The following FCRL1 variants were observed in gnomAD, a reference collection of about 807,000 sequenced individuals.
FCRL1 encodes the protein Fc receptor-like protein 1.
In FCRL1, 34 loss-of-function variants were observed where a neutral mutation model predicts 49.2. The ratio of observed to expected loss-of-function variants is 0.69; its 90% confidence interval spans 0.53 to 0.92. The LOEUF (loss-of-function observed/expected upper bound fraction) is 0.92. Ranked by LOEUF, FCRL1 falls within the 40% of genes least tolerant of loss-of-function variation. The pLI is 0.00. For synonymous variants in FCRL1, 218 were observed against 201.6 expected (o/e 1.08, Z -0.69); for missense variants, 524 against 524.1 (o/e 1.00, Z 0.00).
chr1:157,818,668 A>C (rs1655382478), intron 1 of FCRL1, among the ~76,000 whole-genome samples: 2 of 152,082 alleles, frequency 1.3e-5, no homozygotes, highest in African/African-American at 4.8e-5. Context: ...GTTGGAAAAA[A>C]AATTGGGGAT....
At position 157,798,295 on chromosome 1, in the gene FCRL1, G is replaced by C. The variant is rs777950829; in HGVS notation, c.1032-52C>G. 6.3e-6 allele frequency: 9 copies of C among 1,431,908 alleles called. No homozygotes were observed. The South Asian group carries it at 1.1e-4, about 18-fold the overall frequency. 88.7% of individuals were successfully genotyped at this position (1,431,908 alleles called of 1,614,324 possible). ...TATCTGAAATTGCATCCCAGATCAT[G>C]CAGATATCACACTGAAGGAGAGAAG... is the stretch of plus-strand genomic sequence containing the variant. On this transcript the variant is annotated intron_variant, in intron 7 of 10. Transcript: ENST00000368176.
chr1:157,801,889 A>G (rs2101836650), intron 5 of FCRL1, 26 bp downstream of exon 5: 1 of 1,598,038 alleles, frequency 6.3e-7, no homozygotes, highest in South Asian at 1.1e-5. Context: ...ACATTGACCA[A>G]GACAGTTCCA....
intron 1 of FCRL1, among the ~76,000 whole-genome samples, chr1:157,811,730 T>C (rs1485144010): frequency 1.3e-5 from 2 of 152,138 alleles, no homozygotes; most frequent in Non-Finnish European, 2.9e-5. Context: ...CATCTTTTCA[T>C]CCTTGAGGCT....
chr1:157,803,399 T>C (rs74121540), intron 3 of FCRL1, among the ~76,000 whole-genome samples: 2,366 of 152,290 alleles, frequency 0.016, 50 homozygotes, highest in African/African-American at 0.053. Flanking sequence ...CAACTGCCCT[T>C]CCATAAGCCC....
At chr1:157,801,794 C>T in intron 5 of FCRL1, 121 bp downstream of exon 5, 2 of 1,213,670 alleles carry the variant, frequency 1.6e-6, no homozygotes, top group Non-Finnish European at 2.3e-6. Flanking sequence ...CATGACAGCA[C>T]CTCACACAGA....
chr1:157,796,093 A>G lies in FCRL1; in HGVS notation c.*6T>C. The G allele has an allele frequency of 1.2e-6, 2 of 1,613,150 alleles. No individual in the cohort carries two copies. Among genetic ancestry groups the G allele is most frequent in the Non-Finnish European group, 8.5e-7 (1 of 1,179,104 alleles). On this transcript the variant is annotated 3_prime_UTR_variant, in exon 11 of 11. Transcript: ENST00000368176. ...TGGTTTTCAAAGAGCAGAATCTTCC[A>G]TAACCTTACATAGCATCTTCATAGT...
chr1:157,802,659 G>A lies in FCRL1; in HGVS notation c.325C>T (p.Pro109Ser). ...RRSQINVHRV[P>S]VADVSLETQP... is the part of the protein sequence containing the mutation. ...GTCTCCAAGCTCACATCAGCGACAG[G>A]GACCCCTGTGTGGACACAAGATGAC... The change falls in exon 4 of 11, where the codon CCT (proline) becomes TCT (serine). Residue 109 changes from proline to serine, a missense_variant. By Grantham distance (74) the Pro-to-Ser change is moderately conservative (BLOSUM62 -1). Coordinates refer to ENST00000368176, the MANE Select transcript of FCRL1 (RefSeq NM_052938.5). The A allele has an allele frequency of 6.2e-7, 1 of 1,612,470 alleles. No individual in the cohort carries two copies. The highest frequency in any genetic ancestry group is 1.1e-5 in the South Asian group (1 of 90,820).
chr1:157,799,149 C>A (rs1008402265), intron 7 of FCRL1, among the ~76,000 whole-genome samples: 3 of 152,064 alleles, frequency 2.0e-5, no homozygotes, highest in African/African-American at 7.2e-5. Flanking sequence ...TACAGGCGTG[C>A]ATCACCACGT....
Position 157,798,192 on chromosome 1 carries a change from G to C in FCRL1, c.1083C>G (p.Thr361=). The change falls in exon 8 of 11, where the codon ACC becomes ACG. Residue 361 remains threonine (T), a synonymous_variant. Transcript: ENST00000368176. ...PQEFTYLNSP[T]PGQLQPIYEN... is the part of the protein sequence containing the mutation. ...CATATATAGGCTGTAGCTGCCCTGG[G>C]GTAGGTGAGTTGAGGTAGGTGAACT... 2 of 1,613,336 alleles carry C rather than the reference G, an allele frequency of 1.2e-6. No homozygotes were observed. The highest frequency in any genetic ancestry group is 1.7e-6 in the Non-Finnish European group (2 of 1,179,602).
At chr1:157,806,857 T>C in intron 2 of FCRL1, 1 of 414,542 alleles carries the variant, frequency 2.4e-6, no homozygotes, top group South Asian at 6.1e-5. Flanking sequence ...ACTGTGTTCT[T>C]GAGAAGGTCA....
At chr1:157,804,605 C>A (rs545119391) in intron 2 of FCRL1, among the ~76,000 whole-genome samples, 9 of 152,216 alleles carry the variant, frequency 5.9e-5, no homozygotes, top group Non-Finnish European at 1.2e-4. Context: ...GAATATGGGA[C>A]CTGCAGGGTC....
intron 3 of FCRL1, 68 bp from the exon 4 acceptor site, chr1:157,802,732 T>C: frequency 6.8e-7 from 1 of 1,481,046 alleles, no homozygotes. Flanking sequence ...TAAGTAGATA[T>C]GACGGTCCTG....
chr1:157,797,220 C>T (rs1244817368), intron 9 of FCRL1, 88 bp from the exon 10 acceptor site: 34 of 1,184,400 alleles, frequency 2.9e-5, no homozygotes, highest in Non-Finnish European at 4.2e-5. Flanking sequence ...CTTCCTCTCC[C>T]ATCTATTTCC....
At chr1:157,808,553 G>A (rs1030514259) in intron 1 of FCRL1, among the ~76,000 whole-genome samples, 1 of 152,196 alleles carries the variant, frequency 6.6e-6, no homozygotes, top group Non-Finnish European at 1.5e-5. Context: ...GTTAGTTATC[G>A]GTGTCTGAGA....
At chr1:157,807,714 AGGACT>A (rs1394739071) in intron 1 of FCRL1, among the ~76,000 whole-genome samples, 1 of 152,252 alleles carries the variant, frequency 6.6e-6, no homozygotes, top group African/African-American at 2.4e-5. Context: ...TTCTATCCCA[AGGACT>A]TGACCATAAT....
chr1:157,818,383 T>G (rs987578230), intron 1 of FCRL1, among the ~76,000 whole-genome samples: 1 of 151,636 alleles, frequency 6.6e-6, no homozygotes, highest in Non-Finnish European at 1.5e-5. Flanking sequence ...GATATTATGT[T>G]AAATGAAATG....
rs764545000 is a variant in FCRL1 at position 157,802,018 on chromosome 1, G to C, written c.783C>G (p.Ser261=). The change falls in exon 5 of 11, where the codon TCC becomes TCG. Residue 261 remains serine (S), a synonymous_variant. Transcript: ENST00000368176. ...SRSAPSGGGA[S]FNLSLTEEHS... is the part of the protein sequence containing the mutation. ...GTTCTTCAGTCAGGGAAAGGTTGAA[G>C]GAGGCTCCTCCTCCAGAGGGGGCCG... 6.2e-7 allele frequency: 1 copy of C among 1,614,246 alleles called. No homozygotes were observed. Among genetic ancestry groups the C allele is most frequent in the East Asian group, 2.2e-5 (1 of 44,880 alleles).
chr1:157,812,749 G>A (rs1654497532), intron 1 of FCRL1, among the ~76,000 whole-genome samples: 1 of 152,120 alleles, frequency 6.6e-6, no homozygotes. Flanking sequence ...AGGACACTGA[G>A]TGCAGGACCA....
intron 1 of FCRL1, among the ~76,000 whole-genome samples, chr1:157,818,450 G>A (rs534307785): frequency 3.9e-5 from 6 of 152,118 alleles, no homozygotes; most frequent in Middle Eastern, 3.4e-3. Flanking sequence ...ATCTGAAAAC[G>A]TTGATCTCAT....
Sources: gnomAD v4.1 joint callset for allele counts (sites outside exome capture counted in the v4.1 genomes callset) on GRCh38, gnomAD v4.1.1 for gene constraint, MANE v1.5 for transcripts, NCBI Gene and HGNC (gene_info 2026-07-23, HGNC 2026-07-21) for gene names.